Variants in GRM7 observed in about 807,000 individuals in gnomAD.
GRM7 encodes glutamate metabotropic receptor 7.
GRM7 carries 35 observed loss-of-function variants against 84.5 expected under a neutral mutation model. The observed-to-expected ratio is 0.41, with a 90% CI of 0.32 to 0.55. The LOEUF (loss-of-function observed/expected upper bound fraction) is 0.55, where lower values mean the gene tolerates loss of function less well. Ranked by LOEUF, GRM7 falls within the 20% of genes least tolerant of loss-of-function variation. The probability of loss-of-function intolerance (pLI) is 0.19; values close to 1 mark genes in which losing one functional copy is unlikely to be tolerated. For synonymous variants in GRM7, 487 were observed against 455.1 expected, an observed-to-expected ratio of 1.07 and a Z score of -0.89; for missense variants, 1,003 against 1,194.6, an observed-to-expected ratio of 0.84 and a Z score of 2.36.
intron 7 of GRM7, among the ~76,000 whole-genome samples, chr3:7,567,230 G>GT (rs1694324879): frequency 6.6e-6 from 1 of 152,138 alleles, no homozygotes; most frequent in East Asian, 1.9e-4. Flanking sequence ...GTGAAAAGTT[G>GT]TAATTCCACT....
At chr3:7,451,976 T>C (rs1697786998) in intron 5 of GRM7, among the ~76,000 whole-genome samples, 1 of 152,092 alleles carries the variant, frequency 6.6e-6, no homozygotes, top group Non-Finnish European at 1.5e-5. Context: ...ACATTGAGCA[T>C]TGCACGTGAT....
At chr3:7,220,234 G>T (rs1177071994) in intron 2 of GRM7, among the ~76,000 whole-genome samples, 1 of 152,150 alleles carries the variant, frequency 6.6e-6, no homozygotes, top group Non-Finnish European at 1.5e-5. Context: ...GCCTGGAAAA[G>T]GTGGATGAAG....
intron 2 of GRM7, among the ~76,000 whole-genome samples, chr3:7,227,346 G>T (rs1018556507): frequency 2.0e-5 from 3 of 152,152 alleles, no homozygotes; most frequent in African/African-American, 7.2e-5. Context: ...TTTATTAGAG[G>T]TCTAGCAGAA....
At chr3:7,617,725 G>A (rs1206885896) in intron 8 of GRM7, among the ~76,000 whole-genome samples, 1 of 152,082 alleles carries the variant, frequency 6.6e-6, no homozygotes, top group African/African-American at 2.4e-5. Context: ...AACAGCGCAA[G>A]TATCAAGACA....
chr3:7,562,391 A>G (rs1694066091), intron 7 of GRM7, among the ~76,000 whole-genome samples: 1 of 151,978 alleles, frequency 6.6e-6, no homozygotes, highest in Non-Finnish European at 1.5e-5. Context: ...TTAATTGACT[A>G]TTACCCCTCT....
intron 1 of GRM7, among the ~76,000 whole-genome samples, chr3:6,943,387 T>A (rs1697955897): frequency 1.3e-5 from 2 of 152,004 alleles, no homozygotes; most frequent in Non-Finnish European, 2.9e-5. Context: ...ATACAATGTG[T>A]GTTATGAATT....
intron 2 of GRM7, among the ~76,000 whole-genome samples, chr3:7,200,162 T>C (rs1696016820): frequency 6.6e-6 from 1 of 152,034 alleles, no homozygotes; most frequent in African/African-American, 2.4e-5. Context: ...AATCAAGAAA[T>C]CACTCACCCT....
intron 7 of GRM7, among the ~76,000 whole-genome samples, chr3:7,494,941 G>T (rs1699648626): frequency 6.6e-6 from 1 of 152,104 alleles, no homozygotes; most frequent in Admixed American, 6.5e-5. Context: ...TTCAGTATTG[G>T]CATCAGTTGG....
At chr3:7,350,933 A>T (rs1429703197) in intron 4 of GRM7, among the ~76,000 whole-genome samples, 1 of 152,082 alleles carries the variant, frequency 6.6e-6, no homozygotes, top group East Asian at 1.9e-4. Context: ...CAGAGGGGTG[A>T]TCTCTGAGGT....
At chr3:7,503,241 G>C (rs1291641911) in intron 7 of GRM7, among the ~76,000 whole-genome samples, 1 of 152,080 alleles carries the variant, frequency 6.6e-6, no homozygotes, top group Non-Finnish European at 1.5e-5. Flanking sequence ...CCTGATAAAA[G>C]AGAGACCAGA....
intron 1 of GRM7, among the ~76,000 whole-genome samples, chr3:6,983,156 A>G (rs1559366579): frequency 6.6e-6 from 1 of 152,226 alleles, no homozygotes; most frequent in Non-Finnish European, 1.5e-5. Context: ...GAAGGATTGT[A>G]AAAGCAACAT....
intron 2 of GRM7, among the ~76,000 whole-genome samples, chr3:7,239,862 C>A (rs1697484332): frequency 6.6e-6 from 1 of 152,178 alleles, no homozygotes; most frequent in South Asian, 2.1e-4. Flanking sequence ...CTGCCCTTCT[C>A]CTGAAATCAG....
chr3:7,665,816 T>G (rs530655404), intron 8 of GRM7, among the ~76,000 whole-genome samples: 8 of 152,214 alleles, frequency 5.3e-5, no homozygotes, highest in Admixed American at 1.3e-4. Context: ...GGATTTTTAA[T>G]GTATATTCTC....
intron 2 of GRM7, among the ~76,000 whole-genome samples, chr3:7,155,867 T>A (rs1228821146): frequency 1.3e-5 from 2 of 152,174 alleles, no homozygotes; most frequent in African/African-American, 4.8e-5. Context: ...AGTTTGACCT[T>A]GCGTAGCTCC....
intron 7 of GRM7, among the ~76,000 whole-genome samples, chr3:7,576,678 G>T (rs6784597): frequency 1 from 152,342 of 152,342 alleles, 76,171 homozygotes; most frequent in Non-Finnish European, 1. Flanking sequence ...TAATCTATTG[G>T]TTAGTTCAAT....
intron 4 of GRM7, among the ~76,000 whole-genome samples, chr3:7,399,469 A>T (rs1695355499): frequency 6.6e-6 from 1 of 152,126 alleles, no homozygotes; most frequent in Non-Finnish European, 1.5e-5. Flanking sequence ...TCCGGTAATG[A>T]GCAAATGACC....
intron 1 of GRM7, among the ~76,000 whole-genome samples, chr3:6,903,807 T>G (rs1355003345): frequency 1.3e-5 from 2 of 152,174 alleles, no homozygotes; most frequent in Non-Finnish European, 2.9e-5. Context: ...TTTTAACTCT[T>G]GGAAATCTGG....
intron 4 of GRM7, among the ~76,000 whole-genome samples, chr3:7,323,458 G>A (rs7650558): frequency 0.031 from 4,687 of 152,228 alleles, 212 homozygotes; most frequent in African/African-American, 0.096. Flanking sequence ...GTGCACATCT[G>A]TCTTACTAAG....
intron 4 of GRM7, among the ~76,000 whole-genome samples, chr3:7,339,738 G>A (rs1701566732): frequency 6.6e-6 from 1 of 152,034 alleles, no homozygotes; most frequent in Admixed American, 6.6e-5. Context: ...GTGAACTGAA[G>A]TGCTTTGCTG....
Sources: allele counts gnomAD v4.1 joint callset (sites outside exome capture counted in the v4.1 genomes callset), GRCh38; gene constraint gnomAD v4.1.1; transcripts MANE v1.5; gene names NCBI Gene and HGNC (gene_info 2026-07-23, HGNC 2026-07-21).